The following TLN2 variants were observed in gnomAD, a reference collection of about 807,000 sequenced individuals.
TLN2 encodes talin-2.
A neutral mutation model predicts 294.7 loss-of-function variants in TLN2; 118 were observed. The ratio of observed to expected loss-of-function variants is 0.40; its 90% CI spans 0.34 to 0.47. The LOEUF (loss-of-function observed/expected upper bound fraction) is 0.47. Ranked by LOEUF, TLN2 falls within the 20% of genes least tolerant of loss-of-function variation. The pLI is 0.84. For synonymous variants in TLN2, 1,431 were observed against 1,304.5 expected, an observed-to-expected ratio of 1.10 and a Z score of -2.09; for missense variants, 3,083 against 3,282.2, an observed-to-expected ratio of 0.94 and a Z score of 1.48.
At chr15:62,812,621 G>C (rs2066779939) in intron 52 of TLN2, among the ~76,000 whole-genome samples, 1 of 152,202 alleles carries the variant, frequency 6.6e-6, no homozygotes, top group Admixed American at 6.5e-5. Context: ...AAATGGAGCT[G>C]TAACAGGGTC....
Position 62,630,790 on chromosome 15 carries a change from G to C in TLN2, c.-37+12315G>C, listed in dbSNP as rs574684245. On this transcript the variant is annotated intron_variant, in intron 3 of 58. Coordinates refer to ENST00000636159, the MANE Select transcript of TLN2 (RefSeq NM_015059.3). The stretch of plus-strand genomic sequence containing the variant: ...AACAGCTCTGTTTAACATTTCAGGG[G>C]TGATGGAGTAATGCTGTCTATAAAT... 3.3e-5 allele frequency among the ~76,000 whole-genome samples: 5 copies of C among 152,116 alleles called. No homozygotes were observed. In the South Asian group the frequency reaches 1.0e-3, roughly 32 times the overall value.
Position 62,717,656 on chromosome 15 carries a change from T to A in TLN2, c.2844T>A (p.Pro948=), listed in dbSNP as rs752785155. ...SQNAAVSNKN[P]AAQQQLVQSC... ...ATGCAGCTGTTTCCAACAAGAACCC[T>A]GCGGCCCAGCAGCAGCTGGTCCAGA... is the stretch of plus-strand genomic sequence containing the variant. The change falls in exon 24 of 59, where the codon CCT becomes CCA. Residue 948 remains proline, a synonymous_variant. Transcript: ENST00000636159. The A allele has an allele frequency of 6.2e-6, 10 of 1,602,994 alleles. No individual in the cohort carries two copies. In the African/African-American group the frequency reaches 1.3e-4, roughly 21 times the overall value.
chr15:62,633,710 A>G (rs1207613774), intron 3 of TLN2, among the ~76,000 whole-genome samples: 1 of 152,218 alleles, frequency 6.6e-6, no homozygotes, highest in Non-Finnish European at 1.5e-5. Flanking sequence ...GGCTTACTGC[A>G]CTTATTAATA....
intron 42 of TLN2, among the ~76,000 whole-genome samples, chr15:62,775,990 A>G (rs565656226): frequency 6.6e-6 from 1 of 152,290 alleles, no homozygotes; most frequent in East Asian, 1.9e-4. Context: ...AGGGCCACTT[A>G]CCTAGTTAGC....
At chr15:62,518,258 T>C (rs1323790381) in intron 1 of TLN2, among the ~76,000 whole-genome samples, 1 of 152,144 alleles carries the variant, frequency 6.6e-6, no homozygotes, top group Non-Finnish European at 1.5e-5. Flanking sequence ...AGGCCGGTGT[T>C]GAACTCCTGA....
Position 62,753,833 on chromosome 15 carries a change from G to T in TLN2, c.4393G>T (p.Asp1465Tyr). 6 of 1,612,842 alleles carry T rather than the reference G, an allele frequency of 3.7e-6. No homozygotes were observed. The highest frequency in any genetic ancestry group is 5.1e-6 in the Non-Finnish European group (6 of 1,179,530). ...NSQAGHQGLVDPIQFARANQA... is the reference protein window; with the variant it reads ...NSQAGHQGLVYPIQFARANQA... ...CCAGGCAGGCCACCAGGGCCTGGTGGACCCCATCCAGTTTGCCAGGGCTAA... is the reference window on the plus strand; with the variant it reads ...CCAGGCAGGCCACCAGGGCCTGGTGTACCCCATCCAGTTTGCCAGGGCTAA... The change falls in exon 36 of 59, where the codon GAC becomes TAC. Residue 1465 changes from aspartate (D) to tyrosine (Y), a missense_variant. Coordinates refer to ENST00000636159, the MANE Select transcript of TLN2 (RefSeq NM_015059.3).
At chr15:62,438,363 G>A (rs1405270314) in intron 1 of TLN2, among the ~76,000 whole-genome samples, 2 of 152,184 alleles carry the variant, frequency 1.3e-5, no homozygotes, top group African/African-American at 4.8e-5. Flanking sequence ...AGCCTTGTCT[G>A]TAAAGCTTAG....
intron 1 of TLN2, among the ~76,000 whole-genome samples, chr15:62,578,005 C>G (rs111372693): frequency 0.12 from 18,036 of 152,072 alleles, 1,412 homozygotes; most frequent in Non-Finnish European, 0.17. Flanking sequence ...CATCCATGTC[C>G]CTATAAAGGA....
intron 54 of TLN2, among the ~76,000 whole-genome samples, 172 bp downstream of exon 54, chr15:62,820,782 A>C (rs989549316): frequency 6.6e-5 from 10 of 152,164 alleles, no homozygotes; most frequent in East Asian, 5.8e-4. Flanking sequence ...GGGGGTAAAA[A>C]AATGGCTGAT....
At position 62,707,252 on chromosome 15, in the gene TLN2, A is replaced by C; in HGVS notation, c.2171A>C (p.Lys724Thr). 1 of 1,606,370 alleles carries C rather than the reference A, an allele frequency of 6.2e-7. No homozygotes were observed. The highest frequency in any genetic ancestry group is 8.5e-7 in the Non-Finnish European group (1 of 1,174,466). Residue 724 changes from lysine to threonine, a missense_variant and splice_region_variant, in exon 20 of 59, where the codon AAG becomes ACG. Transcript: ENST00000636159. The part of the protein sequence containing the change: ...LSTSQLVACA[K>T]VVSPTISSPV... ...ACCTCCCAGCTTGTGGCATGTGCCA[A>C]GGTAAGCCAGCTGGCACCCCAGCCC...
At chr15:62,794,312 C>T (rs1358451776) in intron 46 of TLN2, among the ~76,000 whole-genome samples, 1 of 152,154 alleles carries the variant, frequency 6.6e-6, no homozygotes, top group African/African-American at 2.4e-5. Context: ...GTCCTCTATG[C>T]CTTGTGTCTC....
At chr15:62,713,662 C>T (rs577089067) in intron 22 of TLN2, among the ~76,000 whole-genome samples, 1 of 151,960 alleles carries the variant, frequency 6.6e-6, no homozygotes, top group East Asian at 1.9e-4. Context: ...CCGGGAGATA[C>T]TGCAAGACTC....
chr15:62,823,891 C>T (rs1046109482), intron 54 of TLN2: 1 of 475,028 alleles, frequency 2.1e-6, no homozygotes. Flanking sequence ...AAGTGACCAC[C>T]CCCTGCAGCC....
At chr15:62,783,541 CG>C (rs1176258314) in intron 44 of TLN2, among the ~76,000 whole-genome samples, 2 of 152,224 alleles carry the variant, frequency 1.3e-5, no homozygotes, top group Non-Finnish European at 2.9e-5. Flanking sequence ...GTGGCCTGAG[CG>C]GGGCCCTGCG....
chr15:62,499,370 A>G (rs1389120346), intron 1 of TLN2, among the ~76,000 whole-genome samples: 2 of 152,182 alleles, frequency 1.3e-5, no homozygotes, highest in African/African-American at 4.8e-5. Flanking sequence ...GGATCGCTAG[A>G]GCCCAGGAGG....
intron 50 of TLN2, among the ~76,000 whole-genome samples, chr15:62,801,411 A>G (rs2065919305): frequency 6.6e-6 from 1 of 152,250 alleles, no homozygotes; most frequent in Non-Finnish European, 1.5e-5. Flanking sequence ...TAATCCCCAC[A>G]AATAGAAATA....
At chr15:62,486,970 C>T (rs2038431930) in intron 1 of TLN2, among the ~76,000 whole-genome samples, 1 of 152,100 alleles carries the variant, frequency 6.6e-6, no homozygotes, top group African/African-American at 2.4e-5. Flanking sequence ...AATCTCTGCC[C>T]TTGTAGCAAC....
chr15:62,649,628 G>A (rs1359866551), intron 4 of TLN2, among the ~76,000 whole-genome samples: 1 of 152,134 alleles, frequency 6.6e-6, no homozygotes, highest in Non-Finnish European at 1.5e-5. Flanking sequence ...TTGGGATGAT[G>A]GAGGGGTCAC....
intron 1 of TLN2, among the ~76,000 whole-genome samples, chr15:62,527,997 T>C (rs957491687): frequency 1.1e-4 from 17 of 152,350 alleles, no homozygotes; most frequent in Non-Finnish European, 2.4e-4. Context: ...ATCACATGAA[T>C]ATATGACTTA....
Sources: gnomAD v4.1 joint callset for allele counts (sites outside exome capture counted in the v4.1 genomes callset) on GRCh38, gnomAD v4.1.1 for gene constraint, MANE v1.5 for transcripts, NCBI Gene and HGNC (gene_info 2026-07-23, HGNC 2026-07-21) for gene names.